Variants in MACROD2 observed in about 807,000 individuals in gnomAD.
MACROD2 encodes the protein ADP-ribose glycohydrolase MACROD2.
In MACROD2, 36 loss-of-function variants were observed where a neutral mutation model predicts 70.4. The observed-to-expected ratio is 0.51, with a 90% CI of 0.39 to 0.68. The LOEUF (loss-of-function observed/expected upper bound fraction) is 0.68. Ranked by LOEUF, MACROD2 falls within the 30% of genes least tolerant of loss-of-function variation. The pLI is 0.00. For missense variants in MACROD2, 496 were observed against 538.4 expected, an observed-to-expected ratio of 0.92 and a Z score of 0.78; for synonymous variants, 172 against 178.8, an observed-to-expected ratio of 0.96 and a Z score of 0.30.
intron 8 of MACROD2, among the ~76,000 whole-genome samples, chr20:15,856,756 A>AT (rs1487374476): frequency 6.6e-6 from 1 of 152,146 alleles, no homozygotes; most frequent in East Asian, 1.9e-4. Flanking sequence ...TTTTTGTATT[A>AT]TTTTCTATTA....
intron 8 of MACROD2, among the ~76,000 whole-genome samples, chr20:15,842,148 T>C (rs1231633691): frequency 6.6e-6 from 1 of 152,170 alleles, no homozygotes; most frequent in East Asian, 1.9e-4. Flanking sequence ...AAGGCAACAT[T>C]TAACTCTTTC....
intron 2 of MACROD2, among the ~76,000 whole-genome samples, chr20:14,003,156 A>T (rs1470740045): frequency 6.6e-6 from 1 of 152,242 alleles, no homozygotes; most frequent in Non-Finnish European, 1.5e-5. Context: ...GACTTGAAAC[A>T]TGCTAATTTC....
At chr20:15,337,708 AAAAG>A (rs929495198) in intron 6 of MACROD2, among the ~76,000 whole-genome samples, 8 of 151,776 alleles carry the variant, frequency 5.3e-5, no homozygotes, top group Admixed American at 2.0e-4. Context: ...AGGTCAAAAA[AAAAG>A]AGAACAGTTC....
At chr20:15,128,440 G>T (rs148389481) in intron 5 of MACROD2, among the ~76,000 whole-genome samples, 1,853 of 152,050 alleles carry the variant, frequency 0.012, 34 homozygotes, top group African/African-American at 0.04. Flanking sequence ...ATGTTTTATT[G>T]TATGAGTTCT....
intron 5 of MACROD2, among the ~76,000 whole-genome samples, chr20:15,105,762 C>T (rs890252886): frequency 3.3e-5 from 5 of 152,144 alleles, no homozygotes; most frequent in African/African-American, 1.2e-4. Flanking sequence ...CCCCATGCCA[C>T]GTGCTTGACA....
chr20:15,977,093 C>G (rs1005731981), intron 13 of MACROD2, among the ~76,000 whole-genome samples: 2 of 152,204 alleles, frequency 1.3e-5, no homozygotes, highest in South Asian at 4.2e-4. Context: ...TTGGCCTTTT[C>G]CCCTCTCTGG....
rs188862086 is a variant in MACROD2, at chr20:14,964,773, T to G, written c.419-265167T>G. The stretch of plus-strand genomic sequence containing the variant: ...GTCCCATAGCCACTGTGCTATACTT[T>G]AGTGTTATTTTTAAAAATCACGCTC... On this transcript the variant is annotated intron_variant, in intron 5 of 17. Coordinates refer to ENST00000684519, the MANE Select transcript of MACROD2 (RefSeq NM_001351661.2). 3.0e-4 allele frequency among the ~76,000 whole-genome samples: 46 copies of G among 152,260 alleles called. 1 individual carries two copies. The highest frequency in any genetic ancestry group is 2.6e-3 in the Admixed American group (40 of 15,296).
At chr20:15,959,467 G>T (rs73597731) in intron 12 of MACROD2, among the ~76,000 whole-genome samples, 3,662 of 152,288 alleles carry the variant, frequency 0.024, 118 homozygotes, top group African/African-American at 0.075. Context: ...CTAAAAAGGT[G>T]AGTGGTTTTT....
chr20:15,362,511 G>A (rs1207255822), intron 6 of MACROD2, among the ~76,000 whole-genome samples: 2 of 151,888 alleles, frequency 1.3e-5, no homozygotes, highest in Non-Finnish European at 2.9e-5. Flanking sequence ...ATGAATAGAT[G>A]TCGAATTTTG....
At chr20:15,662,337 C>T (rs1283298846) in intron 8 of MACROD2, among the ~76,000 whole-genome samples, 1 of 152,210 alleles carries the variant, frequency 6.6e-6, no homozygotes, top group Non-Finnish European at 1.5e-5. Context: ...GGTAGCTATA[C>T]TAAAGTCATC....
rs867402084 is a variant in MACROD2, at chr20:15,476,575, C to A, written c.572-23199C>A. 1.8e-3 allele frequency among the ~76,000 whole-genome samples: 280 copies of A among 152,086 alleles called. 5 individuals carry two copies. The highest frequency in any genetic ancestry group is 1.0e-3 in the Admixed American group (16 of 15,270). Reference sequence around the variant, plus strand: ...TAAAACTATATTGTTGTTTTGCCCCCCCCCGGTAAGTCTGTCAACTGAGCA... The same window carrying A: ...TAAAACTATATTGTTGTTTTGCCCCACCCCGGTAAGTCTGTCAACTGAGCA... On this transcript the variant is annotated intron_variant, in intron 7 of 17. Transcript: ENST00000684519.
At chr20:15,531,641 T>C (rs1236060126) in intron 8 of MACROD2, among the ~76,000 whole-genome samples, 2 of 152,154 alleles carry the variant, frequency 1.3e-5, no homozygotes, top group Admixed American at 6.5e-5. Flanking sequence ...AAACTCTAGA[T>C]TGGAGAAATA....
At chr20:14,871,834 A>G (rs944235028) in intron 5 of MACROD2, among the ~76,000 whole-genome samples, 4 of 152,196 alleles carry the variant, frequency 2.6e-5, no homozygotes, top group Non-Finnish European at 5.9e-5. Context: ...AAAATCTACC[A>G]AGCAAATGGA....
rs1205585524 is a variant in MACROD2 at position 14,449,936 on chromosome 20, G to A, written c.272-43543G>A. On this transcript the variant is annotated intron_variant, in intron 3 of 17. Coordinates refer to ENST00000684519, the MANE Select transcript of MACROD2 (RefSeq NM_001351661.2). ...ATAAAGGTACAGGTTTAAGAAGGAAGTGTTGACAGGTAGGTTGTAGTCCAT... is the reference window on the plus strand; with the variant it reads ...ATAAAGGTACAGGTTTAAGAAGGAAATGTTGACAGGTAGGTTGTAGTCCAT... Among the ~76,000 whole-genome samples, 3 of 152,104 alleles carry A rather than the reference G, an allele frequency of 2.0e-5. No homozygotes were observed. In the South Asian group the frequency reaches 6.2e-4, roughly 31 times the overall value.
chr20:15,701,827 A>G (rs946926508), intron 8 of MACROD2, among the ~76,000 whole-genome samples: 1 of 152,022 alleles, frequency 6.6e-6, no homozygotes, highest in African/African-American at 2.4e-5. Flanking sequence ...TTTCTCCCCA[A>G]CCAGTAGTCC....
At chr20:16,032,291 C>T (rs1473981046) in intron 15 of MACROD2, among the ~76,000 whole-genome samples, 5 of 151,856 alleles carry the variant, frequency 3.3e-5, no homozygotes, top group South Asian at 4.2e-4. Flanking sequence ...AACTACCAAT[C>T]GGGTGCTATG....
chr20:14,441,283 G>C (rs570672267), intron 3 of MACROD2, among the ~76,000 whole-genome samples: 1 of 152,272 alleles, frequency 6.6e-6, no homozygotes, highest in South Asian at 2.1e-4. Context: ...GCCATGCAGA[G>C]GAGAACTGAA....
At chr20:15,431,125 G>C (rs1368628561) in intron 6 of MACROD2, among the ~76,000 whole-genome samples, 2 of 151,960 alleles carry the variant, frequency 1.3e-5, no homozygotes, top group Non-Finnish European at 2.9e-5. Context: ...TTTCATTGTA[G>C]GTTTATATAA....
intron 8 of MACROD2, among the ~76,000 whole-genome samples, chr20:15,808,867 G>A (rs1016103677): frequency 2.6e-5 from 4 of 152,104 alleles, no homozygotes; most frequent in East Asian, 1.9e-4. Context: ...GAACAGAGTC[G>A]TTGAACAAAC....
Sources: allele counts gnomAD v4.1 joint callset (sites outside exome capture counted in the v4.1 genomes callset), GRCh38; gene constraint gnomAD v4.1.1; transcripts MANE v1.5; gene names NCBI Gene and HGNC (gene_info 2026-07-23, HGNC 2026-07-21).